The following CACHD1 variants were observed in gnomAD, a reference collection of about 807,000 sequenced individuals.
CACHD1 encodes the protein cache domain containing 1.
In CACHD1, 71 loss-of-function variants were observed where a neutral mutation model predicts 138.7. The observed-to-expected ratio is 0.51, with a 90% confidence interval of 0.42 to 0.62. The LOEUF is 0.62. CACHD1 is among the 20% of genes least tolerant of loss of function. The pLI, the probability that CACHD1 is intolerant of heterozygous loss-of-function variation, is 0.00. For synonymous variants in CACHD1, 578 were observed against 591.5 expected, an observed-to-expected ratio of 0.98 and a Z score of 0.33; for missense variants, 1,389 against 1,625.3, an observed-to-expected ratio of 0.85 and a Z score of 2.50.
Position 64,658,884 on chromosome 1 carries a change from T to TA in CACHD1, c.1951+12dup, listed in dbSNP as rs1316197515. The TA allele has an allele frequency of 9.1e-6, 14 of 1,541,820 alleles. No homozygotes were observed. The highest frequency in any genetic ancestry group is 1.2e-5 in the South Asian group (1 of 82,546). ...AGCTGGCAACCCTAGGTAAAGCCCT[T>TA]ACACTTCCTTCACATTCTTACTCTT... On this transcript the variant is annotated intron_variant, in intron 13 of 26. Coordinates refer to ENST00000651257, the MANE Select transcript of CACHD1 (RefSeq NM_020925.4).
In CACHD1 at chr1:64,658,825, C is replaced by T; in HGVS notation, c.1903C>T (p.Leu635Phe). 1 of 1,589,914 alleles carries T rather than the reference C, an allele frequency of 6.3e-7. No homozygotes were observed. Among genetic ancestry groups the T allele is most frequent in the Non-Finnish European group, 8.6e-7 (1 of 1,165,456 alleles). The change falls in exon 13 of 27, where the codon CTT becomes TTT. Residue 635 changes from leucine to phenylalanine, a missense_variant. Leu to Phe is a conservative substitution (Grantham distance 22). Transcript: ENST00000651257. ...SKLLYHRLDL[L>F]GQPSACLHFK... ...GCTGCTGTACCACCGGCTGGATCTC[C>T]TTGGCCAGCCCAGTGCTTGCCTCCA... is the stretch of plus-strand genomic sequence containing the variant.
At chr1:64,489,092 G>A (rs1646259494) in intron 1 of CACHD1, among the ~76,000 whole-genome samples, 1 of 152,136 alleles carries the variant, frequency 6.6e-6, no homozygotes, top group Non-Finnish European at 1.5e-5. Flanking sequence ...GTGTTTCAGG[G>A]ATTAACTCTT....
At chr1:64,532,414 G>A (rs1646594960) in intron 1 of CACHD1, among the ~76,000 whole-genome samples, 1 of 152,202 alleles carries the variant, frequency 6.6e-6, no homozygotes. Flanking sequence ...CAGGTGTGAT[G>A]GATGTGATGA....
chr1:64,605,778 CTATT>C (rs1647318869), intron 4 of CACHD1, among the ~76,000 whole-genome samples: 1 of 152,098 alleles, frequency 6.6e-6, no homozygotes, highest in African/African-American at 2.4e-5. Flanking sequence ...TATTTTTTGT[CTATT>C]TATTGTATTG....
chr1:64,691,366 A>G lies in CACHD1; in HGVS notation c.3630A>G (p.Pro1210=). 3 of 1,614,106 alleles carry G rather than the reference A, an allele frequency of 1.9e-6. No individual in the cohort carries two copies. Among genetic ancestry groups the G allele is most frequent in the Non-Finnish European group, 2.5e-6 (3 of 1,180,008 alleles). The change falls in exon 27 of 27, where the codon CCA becomes CCG. Residue 1210 remains proline, a synonymous_variant. Transcript: ENST00000651257. ...MSPQEDSENP[P]CNNDPLSAGV... ...CACAGGAGGACAGTGAAAATCCTCC[A>G]TGCAACAATGACCCCTTGTCAGCCG...
chr1:64,555,731 A>ATT (rs1646792170), intron 2 of CACHD1, among the ~76,000 whole-genome samples: 1 of 152,246 alleles, frequency 6.6e-6, no homozygotes, highest in South Asian at 2.1e-4. Flanking sequence ...TCATTTAAGT[A>ATT]TTTTATCCAC....
intron 25 of CACHD1, among the ~76,000 whole-genome samples, chr1:64,681,541 G>GGGTTTTTT (rs1553146851): frequency 5.6e-4 from 38 of 68,144 alleles, no homozygotes; most frequent in African/African-American, 2.6e-3. Flanking sequence ...ATTTTATTGT[G>GGGTTTTTT]TTTTTTTTTT....
intron 8 of CACHD1, among the ~76,000 whole-genome samples, chr1:64,643,650 C>A (rs542459368): frequency 6.6e-6 from 1 of 152,146 alleles, no homozygotes; most frequent in Non-Finnish European, 1.5e-5. Flanking sequence ...TCCTGGCTAA[C>A]ACGGTGAAAC....
intron 11 of CACHD1, 97 bp from the exon 12 acceptor site, chr1:64,654,589 G>C: frequency 6.4e-6 from 5 of 784,346 alleles, no homozygotes; most frequent in Non-Finnish European, 1.1e-5. Flanking sequence ...TTCGAAATCA[G>C]GAGGTGGCCA....
intron 4 of CACHD1, 26 bp from the exon 5 acceptor site, chr1:64,629,329 A>G: frequency 6.2e-7 from 1 of 1,611,618 alleles, no homozygotes; most frequent in Non-Finnish European, 8.5e-7. Context: ...TTTGGTGGTT[A>G]TATTTCATTT....
intron 7 of CACHD1, among the ~76,000 whole-genome samples, chr1:64,640,690 C>T (rs893660868): frequency 7.4e-5 from 2 of 27,016 alleles, no homozygotes; most frequent in African/African-American, 2.6e-4. Flanking sequence ...TATATATATA[C>T]AGACACACAC....
intron 1 of CACHD1, among the ~76,000 whole-genome samples, chr1:64,490,851 A>G (rs1243781549): frequency 1.3e-5 from 2 of 152,174 alleles, no homozygotes; most frequent in Non-Finnish European, 2.9e-5. Flanking sequence ...TTTTATTCTC[A>G]GGGAAGTCAG....
intron 16 of CACHD1, among the ~76,000 whole-genome samples, chr1:64,667,606 G>C (rs1331721067): frequency 6.6e-6 from 1 of 152,192 alleles, no homozygotes; most frequent in East Asian, 1.9e-4. Flanking sequence ...TGTCTAAATA[G>C]AGTGACTTGT....
chr1:64,531,322 A>G (rs925216037), intron 1 of CACHD1, among the ~76,000 whole-genome samples: 3 of 152,228 alleles, frequency 2.0e-5, no homozygotes, highest in Admixed American at 6.5e-5. Flanking sequence ...CTGTATTTGC[A>G]TAGTGTTTGT....
chr1:64,647,267 G>C (rs1174438088), intron 8 of CACHD1, among the ~76,000 whole-genome samples: 1 of 152,088 alleles, frequency 6.6e-6, no homozygotes, highest in Non-Finnish European at 1.5e-5. Context: ...TGAGCTTAAA[G>C]AAACAGGGTT....
chr1:64,614,719 C>T (rs1024243571), intron 4 of CACHD1, among the ~76,000 whole-genome samples: 3 of 152,132 alleles, frequency 2.0e-5, no homozygotes, highest in African/African-American at 7.2e-5. Context: ...GTCTCATTGT[C>T]CTCTATTCAT....
chr1:64,641,747 A>G (rs1003754602), intron 7 of CACHD1, 73 bp from the exon 8 acceptor site: 30 of 1,227,492 alleles, frequency 2.4e-5, no homozygotes, highest in East Asian at 5.4e-5. Context: ...GTCCAAGGAC[A>G]TGAACAGGAA....
At chr1:64,610,439 G>T (rs368796174) in intron 4 of CACHD1, among the ~76,000 whole-genome samples, 2 of 152,200 alleles carry the variant, frequency 1.3e-5, no homozygotes, top group East Asian at 1.9e-4. Context: ...TACAATGGGG[G>T]TACAGGCATT....
chr1:64,591,273 C>T (rs1350769626), intron 3 of CACHD1, among the ~76,000 whole-genome samples: 1 of 152,058 alleles, frequency 6.6e-6, no homozygotes, highest in Non-Finnish European at 1.5e-5. Context: ...GGTATTTAAG[C>T]AGGAAGAGGA....
Sources: gnomAD v4.1 joint callset for allele counts (sites outside exome capture counted in the v4.1 genomes callset) on GRCh38, gnomAD v4.1.1 for gene constraint, MANE v1.5 for transcripts, NCBI Gene and HGNC (gene_info 2026-07-23, HGNC 2026-07-21) for gene names.